The following REDIC1 variants were observed in gnomAD, a reference collection of about 807,000 sequenced individuals.
The protein encoded by REDIC1 is HEI10 Interacting Protein 1.
At chr12:39,792,943 T>G in the REDIC1 span, among the ~76,000 whole-genome samples, 1 of 152,202 alleles carries the variant, frequency 6.6e-6, no homozygotes, top group East Asian at 1.9e-4. Context: ...ACCAAAGTTA[T>G]GAACTTTAAG....
At chr12:39,704,057 G>T in the REDIC1 span, among the ~76,000 whole-genome samples, 3 of 152,274 alleles carry the variant, frequency 2.0e-5, no homozygotes, top group Non-Finnish European at 4.4e-5. Flanking sequence ...GGCAACAAAA[G>T]CCAAAATTGA....
chr12:39,667,554 G>T, the REDIC1 span, among the ~76,000 whole-genome samples: 1 of 152,334 alleles, frequency 6.6e-6, no homozygotes, highest in East Asian at 1.9e-4. Flanking sequence ...TTGATTTGGG[G>T]TGGAGAGTTC....
chr12:39,711,809 A>G, the REDIC1 span, among the ~76,000 whole-genome samples: 3 of 75,742 alleles, frequency 4.0e-5, no homozygotes, highest in African/African-American at 1.2e-4. Context: ...ATGCATGTGT[A>G]TGTGTGTACA....
chr12:39,897,829 T>C, the REDIC1 span, among the ~76,000 whole-genome samples: 7,015 of 152,204 alleles, frequency 0.046, 297 homozygotes, highest in Admixed American at 0.13. Flanking sequence ...TTCTATAATA[T>C]TTTCATAAAT....
At chr12:39,854,565 T>C in the REDIC1 span, among the ~76,000 whole-genome samples, 23 of 152,272 alleles carry the variant, frequency 1.5e-4, no homozygotes, top group South Asian at 4.2e-4. Context: ...TGAGATAATC[T>C]CAGACTCTCA....
At chr12:39,738,071 A>G in the REDIC1 span, among the ~76,000 whole-genome samples, 1 of 152,228 alleles carries the variant, frequency 6.6e-6, no homozygotes, top group Admixed American at 6.5e-5. Flanking sequence ...GTTTGAAAAA[A>G]ATTAAGATTT....
chr12:39,775,048 A>G, the REDIC1 span, among the ~76,000 whole-genome samples: 5 of 152,212 alleles, frequency 3.3e-5, no homozygotes, highest in African/African-American at 1.2e-4. Context: ...TCTGATATCT[A>G]AAGTGTATCC....
chr12:39,711,735 GTATGTGTGTATA>G, the REDIC1 span, among the ~76,000 whole-genome samples: 326 of 107,274 alleles, frequency 3.0e-3, 18 homozygotes, highest in African/African-American at 9.8e-3. Context: ...ATGCATGTGT[GTATGTGTGTATA>G]CACATGCATG....
chr12:39,665,249 A>T, the REDIC1 span, among the ~76,000 whole-genome samples: 4 of 152,120 alleles, frequency 2.6e-5, no homozygotes, highest in Non-Finnish European at 5.9e-5. Context: ...TAGTTTTTGT[A>T]TAAGGTGTAA....
chr12:39,795,067 T>G, the REDIC1 span, among the ~76,000 whole-genome samples: 1 of 152,166 alleles, frequency 6.6e-6, no homozygotes, highest in Non-Finnish European at 1.5e-5. Flanking sequence ...GTTCAAAAAT[T>G]CGGGAATATT....
the REDIC1 span, among the ~76,000 whole-genome samples, chr12:39,832,621 G>T: frequency 6.6e-6 from 1 of 151,970 alleles, no homozygotes; most frequent in Admixed American, 6.6e-5. Flanking sequence ...CTAGGTGCTG[G>T]GACATGTGAG....
At chr12:39,705,491 C>T in the REDIC1 span, among the ~76,000 whole-genome samples, 1 of 152,066 alleles carries the variant, frequency 6.6e-6, no homozygotes, top group Non-Finnish European at 1.5e-5. Flanking sequence ...GATACCAAAA[C>T]CAGACAAAGA....
chr12:39,862,739 G>T, the REDIC1 span, among the ~76,000 whole-genome samples: 5 of 152,088 alleles, frequency 3.3e-5, no homozygotes, highest in Admixed American at 3.3e-4. Flanking sequence ...GCATAATAGT[G>T]GACCATATTT....
the REDIC1 span, among the ~76,000 whole-genome samples, chr12:39,685,982 A>G: frequency 3.3e-4 from 50 of 152,348 alleles, no homozygotes; most frequent in African/African-American, 1.1e-3. Flanking sequence ...TCACATCCAG[A>G]CACACTGGTG....
chr12:39,715,686 G>A, the REDIC1 span, among the ~76,000 whole-genome samples: 1 of 151,778 alleles, frequency 6.6e-6, no homozygotes, highest in Non-Finnish European at 1.5e-5. Flanking sequence ...ATACCATAAG[G>A]CCATGGTCAC....
chr12:39,701,891 C>T, the REDIC1 span, among the ~76,000 whole-genome samples: 251 of 151,950 alleles, frequency 1.7e-3, 2 homozygotes, highest in East Asian at 0.021. Context: ...TTGAAACCAA[C>T]GAGAACAAAG....
chr12:39,703,479 G>C, the REDIC1 span, among the ~76,000 whole-genome samples: 1 of 150,896 alleles, frequency 6.6e-6, no homozygotes, highest in African/African-American at 2.4e-5. Flanking sequence ...TGGGTAGGAA[G>C]AATCAATATC....
the REDIC1 span, among the ~76,000 whole-genome samples, chr12:39,647,459 C>T: frequency 2.6e-5 from 4 of 151,882 alleles, no homozygotes; most frequent in Admixed American, 1.3e-4. Context: ...GGCAATGATA[C>T]TAAAATCCCT....
chr12:39,796,311 T>C, the REDIC1 span, among the ~76,000 whole-genome samples: 1 of 151,856 alleles, frequency 6.6e-6, no homozygotes, highest in African/African-American at 2.4e-5. Context: ...GGTACAATTC[T>C]GGGTGCAGTG....
Sources: allele counts gnomAD v4.1 joint callset (sites outside exome capture counted in the v4.1 genomes callset), GRCh38; gene constraint gnomAD v4.1.1; transcripts MANE v1.5; gene names NCBI Gene and HGNC (gene_info 2026-07-23, HGNC 2026-07-21).